RBFOX1: variants seen among roughly 807,000 people sequenced by gnomAD.
RBFOX1 encodes RNA binding protein fox-1 homolog 1.
In RBFOX1, 8 loss-of-function variants were observed where a neutral mutation model predicts 57.7. The ratio of observed to expected loss-of-function variants is 0.14; its 90% CI spans 0.08 to 0.25. RBFOX1 has a LOEUF of 0.25. Among genes scored for constraint, RBFOX1 ranks in the 10% least tolerant of loss-of-function variants. The pLI is 1.00. For synonymous variants in RBFOX1, 326 were observed against 222.4 expected (o/e 1.47, Z -4.15); for missense variants, 611 against 548.5 (o/e 1.11, Z -1.14).
chr16:7,285,918 C>T (rs1172733383), intron 4 of RBFOX1, among the ~76,000 whole-genome samples: 3 of 152,152 alleles, frequency 2.0e-5, no homozygotes, highest in African/African-American at 7.2e-5. Flanking sequence ...CATGCTGGGA[C>T]ATGATTTTTA....
chr16:7,334,558 C>G (rs1458540169), intron 4 of RBFOX1, among the ~76,000 whole-genome samples: 1 of 152,134 alleles, frequency 6.6e-6, no homozygotes, highest in Admixed American at 6.6e-5. Context: ...TTTGAAAGTT[C>G]TCATAAGTTC....
intron 4 of RBFOX1, among the ~76,000 whole-genome samples, chr16:7,102,689 C>G (rs540724330): frequency 3.9e-5 from 6 of 152,114 alleles, no homozygotes; most frequent in African/African-American, 1.4e-4. Flanking sequence ...TGCACACCAG[C>G]ATGTGATAGT....
At chr16:6,304,838 C>G (rs1451444232) in intron 1 of RBFOX1, among the ~76,000 whole-genome samples, 1 of 129,700 alleles carries the variant, frequency 7.7e-6, no homozygotes, top group Non-Finnish European at 1.5e-5. Flanking sequence ...ATGCCACTGA[C>G]TATACTCCAG....
intron 1 of RBFOX1, among the ~76,000 whole-genome samples, chr16:6,241,331 G>A (rs747124692): frequency 5.3e-5 from 8 of 152,210 alleles, no homozygotes; most frequent in Non-Finnish European, 1.0e-4. Context: ...ATGGGTGGCA[G>A]ACGTTTAAAA....
At chr16:7,083,173 C>T (rs954853825) in intron 4 of RBFOX1, among the ~76,000 whole-genome samples, 2 of 152,110 alleles carry the variant, frequency 1.3e-5, no homozygotes, top group Non-Finnish European at 2.9e-5. Flanking sequence ...AATTTGCTGA[C>T]ACCCCCCGAG....
intron 12 of RBFOX1, among the ~76,000 whole-genome samples, chr16:7,661,135 C>T (rs979753280): frequency 5.3e-5 from 8 of 152,150 alleles, no homozygotes; most frequent in Non-Finnish European, 1.5e-5. Flanking sequence ...GTAAAATTGG[C>T]TTCCCATTAC....
intron 4 of RBFOX1, among the ~76,000 whole-genome samples, chr16:5,962,965 A>C (rs138185330): frequency 6.6e-6 from 1 of 152,150 alleles, no homozygotes; most frequent in African/African-American, 2.4e-5. Flanking sequence ...TTGGGAAGTA[A>C]TTGCCTCCAC....
At chr16:5,687,898 G>A (rs868599471) in intron 3 of RBFOX1, among the ~76,000 whole-genome samples, 1 of 152,056 alleles carries the variant, frequency 6.6e-6, no homozygotes, top group African/African-American at 2.4e-5. Flanking sequence ...AAACAAAGCA[G>A]ACTCTGCTCT....
chr16:5,867,847 G>A (rs1481061581), intron 4 of RBFOX1, among the ~76,000 whole-genome samples: 1 of 152,062 alleles, frequency 6.6e-6, no homozygotes, highest in Non-Finnish European at 1.5e-5. Flanking sequence ...GAGTGGCTGG[G>A]ATTACAGGTG....
intron 1 of RBFOX1, among the ~76,000 whole-genome samples, chr16:5,372,729 T>C (rs567339237): frequency 2.0e-5 from 3 of 152,330 alleles, no homozygotes; most frequent in Admixed American, 2.0e-4. Flanking sequence ...TGGTTTCCCC[T>C]GAGATTGAGA....
intron 4 of RBFOX1, among the ~76,000 whole-genome samples, chr16:7,069,289 A>T (rs67494224): frequency 6.6e-6 from 1 of 152,076 alleles, no homozygotes; most frequent in African/African-American, 2.4e-5. Flanking sequence ...TGCACCTGTC[A>T]TCCCACCATC....
intron 11 of RBFOX1, among the ~76,000 whole-genome samples, chr16:7,642,408 G>A (rs1396340180): frequency 6.6e-6 from 1 of 152,150 alleles, no homozygotes; most frequent in Non-Finnish European, 1.5e-5. Context: ...GGCTGGGACT[G>A]AAATGAACAA....
At chr16:5,630,926 C>A (rs1044718752) in intron 3 of RBFOX1, among the ~76,000 whole-genome samples, 1 of 152,134 alleles carries the variant, frequency 6.6e-6, no homozygotes, top group Admixed American at 6.5e-5. Context: ...ATGTTATTTT[C>A]TCCATCTATT....
chr16:7,695,672 A>T (rs2078585168), intron 14 of RBFOX1, among the ~76,000 whole-genome samples: 1 of 142,380 alleles, frequency 7.0e-6, no homozygotes, highest in East Asian at 2.0e-4. Flanking sequence ...AAAAAAAAAA[A>T]TCCTGCTGTG....
chr16:7,629,297 AC>A (rs2060561841), intron 10 of RBFOX1, among the ~76,000 whole-genome samples: 1 of 152,192 alleles, frequency 6.6e-6, no homozygotes, highest in African/African-American at 2.4e-5. Flanking sequence ...AGGACCCCAC[AC>A]GCTTTGGAAG....
chr16:7,506,562 C>G (rs371323894), intron 4 of RBFOX1, among the ~76,000 whole-genome samples: 1 of 151,832 alleles, frequency 6.6e-6, no homozygotes, highest in Non-Finnish European at 1.5e-5. Flanking sequence ...ATCACCATCA[C>G]CATTATTACC....
chr16:6,766,705 C>G (rs1370442100), intron 3 of RBFOX1, among the ~76,000 whole-genome samples: 1 of 152,008 alleles, frequency 6.6e-6, no homozygotes, highest in Non-Finnish European at 1.5e-5. Context: ...CAACACAACT[C>G]TAGAGCCTCT....
chr16:6,839,268 A>C (rs1433625093), intron 3 of RBFOX1, among the ~76,000 whole-genome samples: 1 of 152,154 alleles, frequency 6.6e-6, no homozygotes, highest in African/African-American at 2.4e-5. Context: ...TACAGGCAAG[A>C]GCCACTGTGC....
intron 3 of RBFOX1, among the ~76,000 whole-genome samples, chr16:5,853,400 C>T (rs1406182607): frequency 1.3e-5 from 2 of 152,190 alleles, no homozygotes; most frequent in African/African-American, 2.4e-5. Context: ...CTGCCCTGGG[C>T]ACGGCCTGAC....
Sources: gnomAD v4.1 joint callset for allele counts (sites outside exome capture counted in the v4.1 genomes callset) on GRCh38, gnomAD v4.1.1 for gene constraint, MANE v1.5 for transcripts, NCBI Gene and HGNC (gene_info 2026-07-23, HGNC 2026-07-21) for gene names.